The following ZP3 variants were observed in gnomAD, a reference collection of about 807,000 sequenced individuals.
ZP3 encodes the protein zona pellucida glycoprotein 3.
ZP3 carries 21 observed loss-of-function variants against 35.6 expected under a neutral mutation model. That is an observed-to-expected ratio of 0.59 (90% CI 0.42 to 0.85). The LOEUF is 0.85. Ranked by LOEUF, ZP3 falls within the 40% of genes least tolerant of loss-of-function variation. The pLI, the probability that ZP3 is intolerant of heterozygous loss-of-function variation, is 0.00. For missense variants in ZP3, 437 were observed against 536.5 expected, an observed-to-expected ratio of 0.81 and a Z score of 1.83; for synonymous variants, 207 against 214.5, an observed-to-expected ratio of 0.96 and a Z score of 0.31.
At chr7:76,410,149 C>A (rs1805203059) in intron 1 of ZP3, among the ~76,000 whole-genome samples, 1 of 151,976 alleles carries the variant, frequency 6.6e-6, no homozygotes, top group African/African-American at 2.4e-5. Flanking sequence ...TCTCGTGCCT[C>A]AGCGCCCGAG....
chr7:76,415,451 C>A (rs980984378), intron 1 of ZP3, among the ~76,000 whole-genome samples: 2 of 149,176 alleles, frequency 1.3e-5, no homozygotes, highest in African/African-American at 5.0e-5. Context: ...CTGGGGGTGG[C>A]GGGAGTGGAT....
At chr7:76,429,180 G>A (rs764350740) in intron 1 of ZP3, 1 of 310,434 alleles carries the variant, frequency 3.2e-6, no homozygotes, top group Non-Finnish European at 6.4e-6. Context: ...GATCCAGTCT[G>A]CCTGTGGTGG....
upstream of ZP3, among the ~76,000 whole-genome samples, chr7:76,423,200 GGAGAGAGAGGGAAAGAGA>G (rs1308406056): frequency 4.7e-4 from 69 of 146,506 alleles, no homozygotes; most frequent in Admixed American, 6.9e-4. Context: ...AAAGAGAGAG[GGAGAGAGAGGGAAAGAGA>G]GAGAGAGAGG....
intron 1 of ZP3, among the ~76,000 whole-genome samples, chr7:76,412,587 C>T (rs547230199): frequency 5.3e-5 from 8 of 152,282 alleles, no homozygotes; most frequent in Admixed American, 1.3e-4. Context: ...CAGTGGCTCA[C>T]GCCTATAATC....
At chr7:76,398,910 G>T in intron 1 of ZP3, 2 of 1,069,216 alleles carry the variant, frequency 1.9e-6, no homozygotes, top group Admixed American at 4.4e-5. Flanking sequence ...CAGAGCCTCT[G>T]GCCACACAAA....
chr7:76,423,523 TA>T (rs1425810125), upstream of ZP3, among the ~76,000 whole-genome samples: 2 of 152,152 alleles, frequency 1.3e-5, no homozygotes, highest in Non-Finnish European at 2.9e-5. Flanking sequence ...TTGAATCTCC[TA>T]AGGTCAGTTC....
At chr7:76,411,443 G>A (rs1160597047) in intron 1 of ZP3, among the ~76,000 whole-genome samples, 1 of 151,998 alleles carries the variant, frequency 6.6e-6, no homozygotes, top group Non-Finnish European at 1.5e-5. Flanking sequence ...GGTGCGCACT[G>A]GGCTGTAGTC....
chr7:76,412,781 G>A lies in ZP3; in HGVS notation c.-66-12271G>A, dbSNP rs191716373. ...GGAGAATCGCTTGAACCCGGGAGGCGGAAGTTGCAGTGAGCTGAGATCGCG... is the reference window on the plus strand; with the variant it reads ...GGAGAATCGCTTGAACCCGGGAGGCAGAAGTTGCAGTGAGCTGAGATCGCG... On this transcript the variant is annotated intron_variant, in intron 1 of 8. Coordinates refer to the ZP3 transcript ENST00000336517. Among the ~76,000 whole-genome samples, 388 of 151,366 alleles carry A rather than the reference G, an allele frequency of 2.6e-3. 2 individuals are homozygous for A. The highest frequency in any genetic ancestry group is 0.024 in the Middle Eastern group (7 of 292).
At chr7:76,407,548 A>G (rs997948582) in intron 1 of ZP3, among the ~76,000 whole-genome samples, 11 of 152,044 alleles carry the variant, frequency 7.2e-5, no homozygotes, top group African/African-American at 2.4e-4. Flanking sequence ...CCTAGGCAAC[A>G]TAGTGAGACC....
chr7:76,439,144 A>C (rs1373367788), intron 5 of ZP3, among the ~76,000 whole-genome samples: 3 of 141,376 alleles, frequency 2.1e-5, no homozygotes, highest in Non-Finnish European at 3.1e-5. Flanking sequence ...AAAAAAAAAA[A>C]AAAAAAACCT....
chr7:76,397,663 G>A (rs774020638), exon 1 of ZP3: 2 of 1,613,756 alleles, frequency 1.2e-6, no homozygotes, highest in Non-Finnish European at 1.7e-6. Context: ...CGAAGAAGGC[G>A]TTGGTGGTGG....
intron 1 of ZP3, among the ~76,000 whole-genome samples, chr7:76,401,886 C>G (rs1804841317): frequency 6.6e-6 from 1 of 152,190 alleles, no homozygotes; most frequent in Non-Finnish European, 1.5e-5. Flanking sequence ...CTCTGTGTCC[C>G]CAGACTCTCC....
intron 1 of ZP3, chr7:76,404,311 T>C (rs1180029430): frequency 6.3e-7 from 1 of 1,598,640 alleles, no homozygotes; most frequent in Non-Finnish European, 8.5e-7. Context: ...ACTCACCCAG[T>C]GGCAGGAGGA....
chr7:76,416,713 C>A (rs764235542), intron 1 of ZP3, among the ~76,000 whole-genome samples: 41 of 151,612 alleles, frequency 2.7e-4, no homozygotes, highest in Non-Finnish European at 5.3e-4. Context: ...ATGGGAGAGT[C>A]GCTTAAGCCT....
At chr7:76,425,848 G>A (rs951470732) in intron 1 of ZP3, among the ~76,000 whole-genome samples, 5 of 152,062 alleles carry the variant, frequency 3.3e-5, no homozygotes, top group African/African-American at 1.2e-4. Flanking sequence ...GCTCACGCCT[G>A]TAATTCCAGC....
intron 1 of ZP3, chr7:76,404,583 G>T: frequency 7.8e-7 from 1 of 1,280,528 alleles, no homozygotes; most frequent in South Asian, 1.3e-5. Context: ...CTTGCACCCA[G>T]GGGTTTGAGA....
At chr7:76,399,133 T>C (rs1161522188) in intron 1 of ZP3, among the ~76,000 whole-genome samples, 1 of 152,054 alleles carries the variant, frequency 6.6e-6, no homozygotes, top group East Asian at 1.9e-4. Context: ...TGCCTCAGCC[T>C]CCTGAGTAGC....
intron 2 of ZP3, among the ~76,000 whole-genome samples, chr7:76,431,665 C>T (rs1054264259): frequency 1.3e-5 from 2 of 152,058 alleles, no homozygotes; most frequent in African/African-American, 2.4e-5. Context: ...TTTGGGAGGC[C>T]GAGGCGGGCG....
chr7:76,412,576 G>A (rs1290855443), intron 1 of ZP3, among the ~76,000 whole-genome samples: 1 of 152,224 alleles, frequency 6.6e-6, no homozygotes, highest in African/African-American at 2.4e-5. Flanking sequence ...ATTGCTGGGC[G>A]CAGTGGCTCA....
Sources: gnomAD v4.1 joint callset for allele counts (sites outside exome capture counted in the v4.1 genomes callset) on GRCh38, gnomAD v4.1.1 for gene constraint, MANE v1.5 for transcripts, NCBI Gene and HGNC (gene_info 2026-07-23, HGNC 2026-07-21) for gene names.